IQSEC1: variants seen among roughly 807,000 people sequenced by gnomAD.
The protein encoded by IQSEC1 is IQ motif and SEC7 domain-containing protein 1.
A neutral mutation model predicts 91.0 loss-of-function variants in IQSEC1; 31 were observed. That is an observed-to-expected ratio of 0.34 (90% CI 0.26 to 0.46). The LOEUF (loss-of-function observed/expected upper bound fraction) is 0.46, where lower values mean the gene tolerates loss of function less well. IQSEC1 is among the 20% of genes least tolerant of loss of function. The probability of loss-of-function intolerance (pLI) is 1.00; values close to 1 mark genes in which losing one functional copy is unlikely to be tolerated. For missense variants in IQSEC1, 1,388 were observed against 1,575.6 expected (o/e 0.88, Z 2.02); for synonymous variants, 699 against 662.6 (o/e 1.05, Z -0.84).
intron 1 of IQSEC1, among the ~76,000 whole-genome samples, chr3:13,043,901 C>G (rs1299444731): frequency 6.6e-6 from 1 of 152,208 alleles, no homozygotes; most frequent in African/African-American, 2.4e-5. Flanking sequence ...TCCCCACTCC[C>G]CCTCAGATGA....
At chr3:13,172,361 G>A (rs1041243377) in intron 1 of IQSEC1, among the ~76,000 whole-genome samples, 5 of 152,144 alleles carry the variant, frequency 3.3e-5, no homozygotes, top group African/African-American at 1.2e-4. Context: ...AAAGAGGTGA[G>A]AATAGCAAAG....
At chr3:13,075,066 A>G (rs1327233638), upstream of IQSEC1, among the ~76,000 whole-genome samples, 3 of 152,208 alleles carry the variant, frequency 2.0e-5, no homozygotes, top group Non-Finnish European at 4.4e-5. Context: ...ATCCATATGC[A>G]TGACCAATCT....
intron 2 of IQSEC1, among the ~76,000 whole-genome samples, chr3:13,144,254 G>A (rs1343319936): frequency 1.3e-5 from 2 of 152,140 alleles, no homozygotes; most frequent in Non-Finnish European, 2.9e-5. Flanking sequence ...CACGGCCGGC[G>A]AGCATGCAGC....
At chr3:12,997,737 A>C (rs1345319957) in intron 1 of IQSEC1, among the ~76,000 whole-genome samples, 4 of 152,234 alleles carry the variant, frequency 2.6e-5, no homozygotes, top group Non-Finnish European at 5.9e-5. Flanking sequence ...ATTCCAAATC[A>C]ATAAGAAAAA....
intron 12 of IQSEC1, among the ~76,000 whole-genome samples, chr3:12,905,925 G>C (rs1301033968): frequency 3.3e-5 from 5 of 152,222 alleles, no homozygotes; most frequent in Non-Finnish European, 7.3e-5. Flanking sequence ...CAGGACTCTT[G>C]TGCCGCTGGA....
rs916628174 is a variant in IQSEC1 at position 13,282,322 on chromosome 3, C to G, written c.272+389G>C. Among the ~76,000 whole-genome samples, 21 of 152,294 alleles carry G rather than the reference C, an allele frequency of 1.4e-4. No individual in the cohort carries two copies. Among genetic ancestry groups the G allele is most frequent in the African/African-American group, 5.1e-4 (21 of 41,570 alleles). ...GACCCCTCCCTACCGGTCTCGGGAT[C>G]TCTGGGTCGGAAGTTCTCGCCCTGC... is the stretch of plus-strand genomic sequence containing the variant. On this transcript the variant is annotated intron_variant, in intron 1 of 15. Coordinates refer to the IQSEC1 transcript ENST00000648114. This position sits in a 1 kb window ranked among gnomAD's most constrained non-coding sequence, Gnocchi z 6.4.
intron 2 of IQSEC1, among the ~76,000 whole-genome samples, chr3:13,091,315 G>A (rs1705857272): frequency 6.6e-6 from 1 of 152,230 alleles, no homozygotes; most frequent in Non-Finnish European, 1.5e-5. Context: ...GAGGCCAGGG[G>A]AGTCTGTTTT....
At chr3:13,234,849 C>T (rs112903001) in intron 1 of IQSEC1, among the ~76,000 whole-genome samples, 3,159 of 152,300 alleles carry the variant, frequency 0.021, 108 homozygotes, top group African/African-American at 0.071. Context: ...GTGTTTCTCC[C>T]CGCATGAAAG....
At position 12,936,371 on chromosome 3, in the gene IQSEC1, G is replaced by A. The variant is rs980951238; in HGVS notation, c.645C>T (p.Ser215=). 7.5e-6 allele frequency: 12 copies of A among 1,598,268 alleles called. No individual in the cohort carries two copies. The African/African-American group carries it at 1.6e-4, about 21-fold the overall frequency. The change falls in exon 3 of 14, where the codon TCC becomes TCT. Residue 215 remains serine, a synonymous_variant. Coordinates refer to ENST00000613206, the MANE Select transcript of IQSEC1 (RefSeq NM_001134382.3). ...EPTTLKSPAP[S]SDFADAITEL... is the part of the protein sequence containing the mutation. ...CGGTGATGGCGTCCGCAAAGTCACTGGAGGGGGCCGGAGACTTGAGGGTGG... is the reference window on the plus strand; with the variant it reads ...CGGTGATGGCGTCCGCAAAGTCACTAGAGGGGGCCGGAGACTTGAGGGTGG...
intron 2 of IQSEC1, among the ~76,000 whole-genome samples, chr3:13,139,591 G>C (rs974131499): frequency 1.3e-5 from 2 of 152,184 alleles, no homozygotes; most frequent in African/African-American, 4.8e-5. Flanking sequence ...CCAGTGACAG[G>C]GTGTTTGCGG....
chr3:13,190,562 A>AACAAAAAAAC (rs1553573142), intron 1 of IQSEC1, among the ~76,000 whole-genome samples: 2 of 151,646 alleles, frequency 1.3e-5, no homozygotes, highest in East Asian at 3.9e-4. Flanking sequence ...TCTCAAAAAA[A>AACAAAAAAAC]AAAAACAGAT....
chr3:12,965,363 C>T (rs1032201962), intron 1 of IQSEC1, among the ~76,000 whole-genome samples: 9 of 152,210 alleles, frequency 5.9e-5, no homozygotes, highest in Non-Finnish European at 8.8e-5. Context: ...GAGGGGGAGA[C>T]GGCCAGCTTA....
chr3:12,961,936 T>C (rs185831781), intron 1 of IQSEC1, among the ~76,000 whole-genome samples: 63 of 152,344 alleles, frequency 4.1e-4, no homozygotes, highest in Admixed American at 4.0e-3. Flanking sequence ...GAGTTGGAGT[T>C]AGAGTTACAG....
intron 2 of IQSEC1, among the ~76,000 whole-genome samples, chr3:13,137,824 C>T (rs1311053903): frequency 6.6e-6 from 1 of 152,078 alleles, no homozygotes; most frequent in East Asian, 1.9e-4. Context: ...CATGGTGAGA[C>T]CCATCTCTAA....
intron 2 of IQSEC1, among the ~76,000 whole-genome samples, chr3:13,118,461 C>T (rs755212657): frequency 4.6e-5 from 7 of 152,168 alleles, no homozygotes; most frequent in Non-Finnish European, 1.0e-4. Flanking sequence ...ATATATACAA[C>T]AGAGTATTAT....
In IQSEC1 at chr3:12,901,262, G is replaced by T. The variant is rs571426372; in HGVS notation, c.3066C>A (p.Ala1022=). ...ACTGGGTGTGATGCCCGTGCATGGCGGCCTGCGGCAGCCCCTCTGGGGGCC... is the reference window on the plus strand; with the variant it reads ...ACTGGGTGTGATGCCCGTGCATGGCTGCCTGCGGCAGCCCCTCTGGGGGCC... The part of the protein sequence containing the change: ...HLGPPEGLPQ[A]AMHGHHTQYC... The change falls in exon 14 of 14, where the codon GCC becomes GCA. Residue 1022 remains alanine (A), a synonymous_variant. Coordinates refer to ENST00000613206, the MANE Select transcript of IQSEC1 (RefSeq NM_001134382.3). 6.5e-7 allele frequency: 1 copy of T among 1,540,788 alleles called. No individual in the cohort carries two copies. The highest frequency in any genetic ancestry group is 1.5e-5 in the African/African-American group (1 of 65,610).
intron 1 of IQSEC1, among the ~76,000 whole-genome samples, chr3:13,048,450 A>T (rs1704574802): frequency 6.6e-6 from 1 of 152,168 alleles, no homozygotes; most frequent in African/African-American, 2.4e-5. Context: ...GCCTTCCGGC[A>T]TGGGGCACCC....
chr3:13,166,331 G>A (rs1184700447), intron 1 of IQSEC1, among the ~76,000 whole-genome samples: 2 of 152,242 alleles, frequency 1.3e-5, no homozygotes, highest in Admixed American at 1.3e-4. Context: ...TCAGTAGGAC[G>A]AAAATGCCAC....
At position 12,899,980 on chromosome 3, in the gene IQSEC1, T is replaced by C. The variant is rs1236891240; in HGVS notation, c.*1003A>G. Reference sequence around the variant, plus strand: ...ATGCGCATAAAAGAAACATGGATCATGGAGAGTCACAGTTATCGCAGCCAT... The same window carrying C: ...ATGCGCATAAAAGAAACATGGATCACGGAGAGTCACAGTTATCGCAGCCAT... On this transcript the variant is annotated 3_prime_UTR_variant, in exon 14 of 14. Transcript: ENST00000613206. 2 of 985,174 alleles carry C rather than the reference T, an allele frequency of 2.0e-6. No homozygotes were observed. Among genetic ancestry groups the C allele is most frequent in the East Asian group, 2.3e-4 (2 of 8,822 alleles). The allele number at this position is 985,174 out of a possible 1,614,324, so 61.0% of individuals were successfully genotyped here.
Sources: allele counts gnomAD v4.1 joint callset (sites outside exome capture counted in the v4.1 genomes callset), GRCh38; gene constraint gnomAD v4.1.1; non-coding constraint Gnocchi (gnomAD v3.1); transcripts MANE v1.5; gene names NCBI Gene and HGNC (gene_info 2026-07-23, HGNC 2026-07-21).